The following ADARB2 variants were observed in gnomAD, a reference collection of about 807,000 sequenced individuals.
ADARB2 encodes adenosine deaminase RNA specific B2 (inactive), also known as inactive double-stranded RNA-specific editase B2.
ADARB2 carries 25 observed loss-of-function variants against 62.2 expected under a neutral mutation model. That is an observed-to-expected ratio of 0.40 (90% CI 0.29 to 0.56). ADARB2 has a LOEUF of 0.56. ADARB2 is among the 20% of genes least tolerant of loss of function. ADARB2 has a pLI of 0.43. For missense variants in ADARB2, 1,071 were observed against 1,077.4 expected, an observed-to-expected ratio of 0.99 and a Z score of 0.08; for synonymous variants, 572 against 500.8, an observed-to-expected ratio of 1.14 and a Z score of -1.90.
intron 7 of ADARB2, among the ~76,000 whole-genome samples, chr10:1,201,529 C>T (rs1011623406): frequency 4.6e-5 from 7 of 151,650 alleles, no homozygotes; most frequent in South Asian, 2.1e-4. Flanking sequence ...TGAGGTCGGG[C>T]GCTCTGAAGG....
At chr10:1,448,188 G>A (rs955365037) in intron 1 of ADARB2, among the ~76,000 whole-genome samples, 5 of 152,322 alleles carry the variant, frequency 3.3e-5, no homozygotes, top group African/African-American at 1.2e-4. Context: ...AAACATGTTA[G>A]TGGTGTTGGA....
intron 1 of ADARB2, among the ~76,000 whole-genome samples, chr10:1,496,133 GTCA>G (rs1175428283): frequency 6.9e-6 from 1 of 145,454 alleles, no homozygotes; most frequent in Non-Finnish European, 1.5e-5. Flanking sequence ...CGTTATCTTA[GTCA>G]TCATAATCAC....
At chr10:1,230,652 G>A (rs1830796301) in intron 6 of ADARB2, among the ~76,000 whole-genome samples, 1 of 152,162 alleles carries the variant, frequency 6.6e-6, no homozygotes, top group African/African-American at 2.4e-5. Flanking sequence ...CCAGCTCTCT[G>A]AAGGGTCCTT....
At chr10:1,593,231 C>T (rs903530613) in intron 1 of ADARB2, among the ~76,000 whole-genome samples, 1 of 139,242 alleles carries the variant, frequency 7.2e-6, no homozygotes, top group Non-Finnish European at 1.6e-5. Context: ...CATAGGTCTC[C>T]TCTCTGGCAT....
rs186747261 is a variant in ADARB2, at chr10:1,556,240, C to G, written c.101-177080G>C. Among the ~76,000 whole-genome samples the G allele has an allele frequency of 2.3e-3, 338 of 148,206 alleles. 1 individual carries two copies. The highest frequency in any genetic ancestry group is 8.0e-3 in the African/African-American group (326 of 40,628). Reference sequence around the variant, plus strand: ...CCACCAAGAGCACCTTCAAAGAAAGCCTTCCTCTCAAACAAAAAGTCTTTT... The same window carrying G: ...CCACCAAGAGCACCTTCAAAGAAAGGCTTCCTCTCAAACAAAAAGTCTTTT... On this transcript the variant is annotated intron_variant, in intron 1 of 9. Coordinates refer to ENST00000381312, the MANE Select transcript of ADARB2 (RefSeq NM_018702.4).
intron 1 of ADARB2, among the ~76,000 whole-genome samples, chr10:1,394,021 G>A (rs766950478): frequency 3.9e-5 from 6 of 152,130 alleles, no homozygotes; most frequent in South Asian, 2.1e-4. Flanking sequence ...GGTGTCCTCC[G>A]TGAACTCTGC....
At chr10:1,314,372 C>G (rs1039751261) in intron 3 of ADARB2, among the ~76,000 whole-genome samples, 1 of 151,826 alleles carries the variant, frequency 6.6e-6, no homozygotes, top group Non-Finnish European at 1.5e-5. Context: ...CAAAGCCAGA[C>G]AGACTATAGC....
intron 1 of ADARB2, among the ~76,000 whole-genome samples, chr10:1,633,467 C>T (rs1833866963): frequency 6.6e-6 from 1 of 152,114 alleles, no homozygotes; most frequent in Non-Finnish European, 1.5e-5. Flanking sequence ...ATTCCAAAAT[C>T]TGAAAAAACC....
Position 1,685,575 on chromosome 10 carries a change from A to C in ADARB2, c.100+51476T>G, listed in dbSNP as rs571096151. On this transcript the variant is annotated intron_variant, in intron 1 of 9. Transcript: ENST00000381312. ...TTCTATAAATTCTCATTCCCTCATA[A>C]AATGGAATGTAAGAAATAACTCAAA... 1.3e-4 allele frequency among the ~76,000 whole-genome samples: 20 copies of C among 152,352 alleles called. 1 individual carries two copies. In the South Asian group the frequency reaches 4.1e-3, roughly 32 times the overall value.
intron 6 of ADARB2, among the ~76,000 whole-genome samples, chr10:1,231,020 G>A: frequency 6.6e-6 from 1 of 152,178 alleles, no homozygotes; most frequent in East Asian, 1.9e-4. Context: ...AGTAGAAAGT[G>A]AGGGCTGGCT....
chr10:1,558,144 C>T (rs891399504), intron 1 of ADARB2, among the ~76,000 whole-genome samples: 4 of 152,072 alleles, frequency 2.6e-5, no homozygotes, highest in South Asian at 2.1e-4. Context: ...CGTCTCCATC[C>T]TTCCCACCCC....
chr10:1,308,093 TTA>T (rs1491348240), intron 3 of ADARB2, among the ~76,000 whole-genome samples: 32 of 141,172 alleles, frequency 2.3e-4, no homozygotes, highest in Middle Eastern at 3.7e-3. Flanking sequence ...AAAAAATAAA[TTA>T]AAAAAAAAAA....
intron 1 of ADARB2, among the ~76,000 whole-genome samples, chr10:1,445,009 C>T (rs1028104309): frequency 4.7e-4 from 70 of 150,444 alleles, no homozygotes; most frequent in Admixed American, 3.6e-3. Flanking sequence ...TACATTCATC[C>T]GTCCATCCAC....
intron 4 of ADARB2, among the ~76,000 whole-genome samples, chr10:1,268,412 G>T (rs1315439111): frequency 6.6e-6 from 1 of 152,166 alleles, no homozygotes; most frequent in Non-Finnish European, 1.5e-5. Flanking sequence ...TAATGGCTAA[G>T]AAATGGTCTC....
chr10:1,634,784 T>C (rs1035664077), intron 1 of ADARB2, among the ~76,000 whole-genome samples: 5 of 152,252 alleles, frequency 3.3e-5, no homozygotes, highest in African/African-American at 1.2e-4. Context: ...CAACCAACAC[T>C]GGTTAACTGA....
chr10:1,430,961 T>A (rs1194246103), intron 1 of ADARB2, among the ~76,000 whole-genome samples: 1 of 152,196 alleles, frequency 6.6e-6, no homozygotes, highest in Non-Finnish European at 1.5e-5. Flanking sequence ...AAATCAATAG[T>A]TACCTTGGGG....
chr10:1,184,835 T>G (rs781512339), intron 9 of ADARB2, 26 bp downstream of exon 9: 5 of 1,603,088 alleles, frequency 3.1e-6, no homozygotes, highest in Non-Finnish European at 3.4e-6. Context: ...GGGTCCAGTT[T>G]CCCTGCAAGG....
chr10:1,451,717 G>A (rs1480261946), intron 1 of ADARB2, among the ~76,000 whole-genome samples: 1 of 148,266 alleles, frequency 6.7e-6, no homozygotes, highest in Non-Finnish European at 1.5e-5. Context: ...TATGAGGAGG[G>A]ACACACCCAT....
chr10:1,576,050 G>A (rs1169976303), intron 1 of ADARB2, among the ~76,000 whole-genome samples: 9 of 33,762 alleles, frequency 2.7e-4, no homozygotes, highest in Non-Finnish European at 2.9e-4. Flanking sequence ...GGGGGGGTCA[G>A]GGTCACAGGA....
Sources: gnomAD v4.1 joint callset for allele counts (sites outside exome capture counted in the v4.1 genomes callset) on GRCh38, gnomAD v4.1.1 for gene constraint, MANE v1.5 for transcripts, NCBI Gene and HGNC (gene_info 2026-07-23, HGNC 2026-07-21) for gene names.